The following MECOM variants were observed in gnomAD, a reference collection of about 807,000 sequenced individuals.
MECOM encodes MDS1 and EVI1 complex locus.
MECOM carries 13 observed loss-of-function variants against 116.3 expected under a neutral mutation model. That is an observed-to-expected ratio of 0.11 (90% CI 0.07 to 0.18). The LOEUF (loss-of-function observed/expected upper bound fraction) is 0.18, where lower values mean the gene tolerates loss of function less well. Ranked by LOEUF, MECOM falls within the 10% of genes least tolerant of loss-of-function variation. The pLI is 1.00. For missense variants in MECOM, 1,299 were observed against 1,509.0 expected (o/e 0.86, Z 2.31); for synonymous variants, 528 against 535.2 (o/e 0.99, Z 0.19).
chr3:169,398,650 CT>C (rs1459891190), intron 1 of MECOM, among the ~76,000 whole-genome samples: 1 of 152,126 alleles, frequency 6.6e-6, no homozygotes, highest in East Asian at 1.9e-4. Context: ...CTTTGTCAGC[CT>C]TCTGATCTTC....
intron 12 of MECOM, 48 bp from the exon 13 acceptor site, chr3:169,095,293 T>C (rs1560125992): frequency 6.5e-7 from 1 of 1,531,654 alleles, no homozygotes; most frequent in East Asian, 2.3e-5. Context: ...TTAAAAGGTA[T>C]TTCTCAAGAC....
intron 1 of MECOM, among the ~76,000 whole-genome samples, chr3:169,511,307 T>C (rs1755923277): frequency 6.6e-6 from 1 of 152,164 alleles, no homozygotes; most frequent in Admixed American, 6.5e-5. Context: ...ATCTGCCAAA[T>C]CTCTATATTT....
intron 6 of MECOM, among the ~76,000 whole-genome samples, chr3:169,121,973 T>C (rs1467804762): frequency 6.6e-6 from 1 of 152,188 alleles, no homozygotes; most frequent in African/African-American, 2.4e-5. Context: ...CAGGACATCT[T>C]TGAGTTAATC....
chr3:169,561,370 G>T (rs554624729), intron 1 of MECOM, among the ~76,000 whole-genome samples: 2 of 152,094 alleles, frequency 1.3e-5, no homozygotes, highest in African/African-American at 4.8e-5. Flanking sequence ...AATAAATCAT[G>T]ATATTTTCAT....
intron 1 of MECOM, among the ~76,000 whole-genome samples, chr3:169,647,567 G>A (rs1774344176): frequency 6.6e-6 from 1 of 152,052 alleles, no homozygotes; most frequent in African/African-American, 2.4e-5. Context: ...AAAAAAATAT[G>A]CATCTGGAAC....
At chr3:169,105,378 CTT>C (rs1725041092) in intron 10 of MECOM, among the ~76,000 whole-genome samples, 1 of 152,180 alleles carries the variant, frequency 6.6e-6, no homozygotes, top group South Asian at 2.1e-4. Flanking sequence ...CCAACTCTCT[CTT>C]GCTATCTGGT....
chr3:169,204,793 AT>A (rs1749679510), intron 2 of MECOM, among the ~76,000 whole-genome samples: 1 of 152,204 alleles, frequency 6.6e-6, no homozygotes, highest in Non-Finnish European at 1.5e-5. Context: ...TTCAATGTTA[AT>A]TCGCCTTATT....
At chr3:169,639,262 T>C (rs948340491) in intron 1 of MECOM, among the ~76,000 whole-genome samples, 1 of 152,194 alleles carries the variant, frequency 6.6e-6, no homozygotes. Flanking sequence ...GAGATGGGCA[T>C]GTATCCCACG....
chr3:169,367,085 T>C (rs1347103413), intron 2 of MECOM, among the ~76,000 whole-genome samples: 1 of 152,034 alleles, frequency 6.6e-6, no homozygotes. Context: ...AGTCGCTGGG[T>C]AACCCAGAGA....
At chr3:169,251,296 T>C (rs1756215213) in intron 2 of MECOM, among the ~76,000 whole-genome samples, 1 of 152,152 alleles carries the variant, frequency 6.6e-6, no homozygotes. Flanking sequence ...TGGTACAAGT[T>C]TGAGTTAGTT....
intron 2 of MECOM, among the ~76,000 whole-genome samples, chr3:169,261,658 G>A (rs771403203): frequency 6.6e-6 from 1 of 152,106 alleles, no homozygotes; most frequent in Non-Finnish European, 1.5e-5. Context: ...CCGATATCGT[G>A]CCATTGCACT....
chr3:169,562,285 A>G (rs1179900779), intron 1 of MECOM, among the ~76,000 whole-genome samples: 1 of 152,150 alleles, frequency 6.6e-6, no homozygotes, highest in Non-Finnish European at 1.5e-5. Context: ...CAAAATAAAC[A>G]GAGTGCTCTC....
chr3:169,572,989 G>A (rs1382329093), intron 1 of MECOM, among the ~76,000 whole-genome samples: 1 of 151,782 alleles, frequency 6.6e-6, no homozygotes, highest in Non-Finnish European at 1.5e-5. Flanking sequence ...AAAAAAAAAT[G>A]CTATCACATA....
intron 2 of MECOM, among the ~76,000 whole-genome samples, chr3:169,226,192 G>C (rs906729720): frequency 6.6e-6 from 1 of 151,936 alleles, no homozygotes; most frequent in Admixed American, 6.6e-5. Flanking sequence ...GGTGCAAAGA[G>C]GTAAAATAAA....
chr3:169,136,909 C>A (rs1470044880), intron 3 of MECOM, among the ~76,000 whole-genome samples: 2 of 152,062 alleles, frequency 1.3e-5, no homozygotes, highest in Non-Finnish European at 2.9e-5. Flanking sequence ...CTGCATTTGG[C>A]ATGTCTAAAA....
chr3:169,188,957 C>G (rs1218687239), intron 2 of MECOM, among the ~76,000 whole-genome samples: 2 of 152,034 alleles, frequency 1.3e-5, no homozygotes, highest in Non-Finnish European at 2.9e-5. Flanking sequence ...ATCTTAAAGG[C>G]CCACTCAGTT....
intron 1 of MECOM, among the ~76,000 whole-genome samples, chr3:169,395,793 C>T (rs749126009): frequency 2.0e-4 from 31 of 152,148 alleles, no homozygotes; most frequent in Non-Finnish European, 3.1e-4. Flanking sequence ...CAGCACCTGC[C>T]ATGAACTAGC....
intron 2 of MECOM, among the ~76,000 whole-genome samples, chr3:169,230,377 C>G (rs1425858870): frequency 6.6e-6 from 1 of 152,078 alleles, no homozygotes; most frequent in Admixed American, 6.6e-5. Flanking sequence ...TCAACTTATA[C>G]AGCTGACCTT....
intron 1 of MECOM, among the ~76,000 whole-genome samples, chr3:169,525,993 A>G (rs1345827961): frequency 6.6e-6 from 1 of 151,692 alleles, no homozygotes; most frequent in Middle Eastern, 3.2e-3. Context: ...ATGCCACTGC[A>G]CTCCAGCCTG....
Sources: gnomAD v4.1 joint callset for allele counts (sites outside exome capture counted in the v4.1 genomes callset) on GRCh38, gnomAD v4.1.1 for gene constraint, MANE v1.5 for transcripts, NCBI Gene and HGNC (gene_info 2026-07-23, HGNC 2026-07-21) for gene names.